The following ATP8B1 variants were observed in gnomAD, a reference collection of about 807,000 sequenced individuals.
ATP8B1 encodes the protein ATPase phospholipid transporting 8B1.
In ATP8B1, 80 loss-of-function variants were observed where a neutral mutation model predicts 149.9. That is an observed-to-expected ratio of 0.53 (90% CI 0.45 to 0.64). ATP8B1 has a LOEUF of 0.64. Among genes scored for constraint, ATP8B1 ranks in the 30% least tolerant of loss-of-function variants. The probability of loss-of-function intolerance (pLI) is 0.00; values close to 1 mark genes in which losing one functional copy is unlikely to be tolerated. For synonymous variants in ATP8B1, 536 were observed against 562.8 expected (o/e 0.95, Z 0.67); for missense variants, 1,247 against 1,552.6 (o/e 0.80, Z 3.31).
intron 1 of ATP8B1, among the ~76,000 whole-genome samples, chr18:57,775,288 C>T (rs757063810): frequency 4.0e-5 from 6 of 151,488 alleles, no homozygotes; most frequent in Non-Finnish European, 8.8e-5. Flanking sequence ...TGCAGTCCAG[C>T]CTGGGTGACA....
Position 57,713,232 on chromosome 18 carries a change from C to T in ATP8B1, c.182-6645G>A, listed in dbSNP as rs190996694. Among the ~76,000 whole-genome samples, 710 of 105,644 alleles carry T rather than the reference C, an allele frequency of 6.7e-3. 7 individuals are homozygous for T. Among genetic ancestry groups the T allele is most frequent in the African/African-American group, 0.017 (430 of 25,354 alleles). The allele number at this position is 105,644 out of a possible 152,430, so 69.3% of individuals were successfully genotyped here. A position where few individuals can be genotyped will look rare whatever the true frequency, so the allele number is the denominator to read the frequency against. On this transcript the variant is annotated intron_variant, in intron 2 of 27. Coordinates refer to ENST00000648908, the MANE Select transcript of ATP8B1 (RefSeq NM_001374385.1). ...CCTTCCTTCCTTCCTTCCTTCCTTC[C>T]TTCCTTCCTTCTTTCTTTCTTTCTT...
chr18:57,801,942 C>G (rs945232816), intron 1 of ATP8B1: 38 of 152,316 alleles, frequency 2.5e-4, no homozygotes, highest in Admixed American at 1.4e-3. Flanking sequence ...CGGGCAGAAG[C>G]GCGGCCCAAG....
chr18:57,677,637 C>T (rs770186326), intron 15 of ATP8B1, among the ~76,000 whole-genome samples: 21 of 152,134 alleles, frequency 1.4e-4, no homozygotes, highest in Non-Finnish European at 2.4e-4. Context: ...TTAAAGATGA[C>T]ACTTAGGGTC....
chr18:57,651,795 C>G (rs564252537), intron 26 of ATP8B1, among the ~76,000 whole-genome samples: 88 of 149,452 alleles, frequency 5.9e-4, no homozygotes, highest in African/African-American at 2.1e-3. Flanking sequence ...CCATGCCTGG[C>G]TAATTTTTTT....
chr18:57,756,208 TATACACACAC>T (rs2080077634), intron 1 of ATP8B1, among the ~76,000 whole-genome samples: 3 of 84,728 alleles, frequency 3.5e-5, no homozygotes, highest in African/African-American at 1.4e-4. Context: ...TATATATATA[TATACACACAC>T]ACACACACAC....
chr18:57,648,619 A>G lies in ATP8B1; in HGVS notation c.3625T>C (p.Tyr1209His). 1 of 1,608,894 alleles carries G rather than the reference A, an allele frequency of 6.2e-7. No individual in the cohort carries two copies. Among genetic ancestry groups the G allele is most frequent in the Non-Finnish European group, 8.5e-7 (1 of 1,178,716 alleles). Residue 1209 changes from tyrosine (Y) to histidine (H), a missense_variant, in exon 28 of 28, where the codon TAC becomes CAC. Transcript: ENST00000648908. ...TAGCCCCGCTGGTGCGAGAAGGCGT[A>G]GGCCGAGCGCCGCGTTGACACGCCC... is the stretch of plus-strand genomic sequence containing the variant. ...RRGVSTRRSA[Y>H]AFSHQRGYAD...
At chr18:57,726,167 G>A (rs536435436) in intron 2 of ATP8B1, among the ~76,000 whole-genome samples, 1 of 152,210 alleles carries the variant, frequency 6.6e-6, no homozygotes, top group African/African-American at 2.4e-5. Flanking sequence ...AGTTGAGGTT[G>A]CAGTGAGCCA....
intron 24 of ATP8B1, among the ~76,000 whole-genome samples, chr18:57,653,199 G>A (rs1417769378): frequency 6.6e-6 from 1 of 151,744 alleles, no homozygotes; most frequent in Non-Finnish European, 1.5e-5. Flanking sequence ...ATTTTGGAAA[G>A]GATTTAAACT....
Position 57,684,098 on chromosome 18 carries a change from T to G in ATP8B1, c.1568A>C (p.Glu523Ala), listed in dbSNP as rs775319765. The G allele has an allele frequency of 1.2e-6, 2 of 1,614,156 alleles. No homozygotes were observed. The highest frequency in any genetic ancestry group is 1.1e-5 in the South Asian group (1 of 91,074). The change falls in exon 15 of 28, where the codon GAA becomes GCA. Residue 523 changes from glutamate (E) to alanine (A), a missense_variant. By Grantham distance (107) the Glu-to-Ala change is moderately radical. Around this residue, in one of 3 missense-constraint regions of ATP8B1, gnomAD observed 853 missense variants for 1,035.7 expected, o/e 0.82. Transcript: ENST00000648908. The stretch of plus-strand genomic sequence containing the variant: ...GAGCAAGAAGAAGAACTGTCGTACT[T>G]CTGGCTCTTTCCCTGACTGGATTTG... ...IEQIQSGKEP[E>A]VRQFFFLLAV... is the part of the protein sequence containing the mutation.
intron 8 of ATP8B1, 140 bp from the exon 9 acceptor site, chr18:57,695,672 C>A: frequency 1.4e-6 from 1 of 737,730 alleles, no homozygotes; most frequent in Non-Finnish European, 2.3e-6. Context: ...CTCTGTTCAC[C>A]TTGGAACTTC....
chr18:57,782,118 T>C (rs1010374589), intron 1 of ATP8B1, among the ~76,000 whole-genome samples: 2 of 152,220 alleles, frequency 1.3e-5, no homozygotes, highest in South Asian at 2.1e-4. Flanking sequence ...GCCTCTGCCA[T>C]AGGGCAGAAA....
In ATP8B1 at chr18:57,667,152, A is replaced by G. The variant is rs371380598; in HGVS notation, c.2225T>C (p.Ile742Thr). Residue 742 changes from isoleucine (I) to threonine (T), a missense_variant, in exon 20 of 28, where the codon ATA (isoleucine) becomes ACA (threonine). Ile to Thr is a moderately conservative substitution (Grantham distance 89). Coordinates refer to ENST00000648908, the MANE Select transcript of ATP8B1 (RefSeq NM_001374385.1). Reference sequence around the variant, plus strand: ...AGTCAGAAGTTCACAAGCAAATCCTATATTTTCAGCAGTTTCTACAATAGA... The same window carrying G: ...AGTCAGAAGTTCACAAGCAAATCCTGTATTTTCAGCAGTTTCTACAATAGA... ...TGDKKETAENIGFACELLTED... is the reference protein window; with the variant it reads ...TGDKKETAENTGFACELLTED... 5 of 1,611,784 alleles carry G rather than the reference A, an allele frequency of 3.1e-6. No homozygotes were observed. The highest frequency in any genetic ancestry group is 2.2e-5 in the East Asian group (1 of 44,878).
In ATP8B1 at chr18:57,704,150, T is replaced by G. The variant is rs141296914; in HGVS notation, c.393+405A>C. 7.1e-3 allele frequency among the ~76,000 whole-genome samples: 1,077 copies of G among 152,214 alleles called. 16 individuals are homozygous for G. The highest frequency in any genetic ancestry group is 0.025 in the African/African-American group (1,036 of 41,528). On this transcript the variant is annotated intron_variant, in intron 4 of 27. Transcript: ENST00000648908. The stretch of plus-strand genomic sequence containing the variant: ...CCTGGCTAATTTTTTGTATTTTTAG[T>G]AGAAACGGGGTTTAACCATGTTAGC...
intron 15 of ATP8B1, among the ~76,000 whole-genome samples, chr18:57,677,416 G>A (rs1276184164): frequency 6.6e-6 from 1 of 152,086 alleles, no homozygotes; most frequent in Non-Finnish European, 1.5e-5. Context: ...CATTTCCGTG[G>A]CCAGATGACT....
intron 15 of ATP8B1, among the ~76,000 whole-genome samples, chr18:57,676,145 G>C (rs1165151975): frequency 6.6e-6 from 1 of 152,088 alleles, no homozygotes; most frequent in Admixed American, 6.6e-5. Flanking sequence ...CTCTAAAAAA[G>C]TATGTTTTCT....
At chr18:57,748,850 T>C (rs1260099517) in intron 1 of ATP8B1, among the ~76,000 whole-genome samples, 1 of 152,202 alleles carries the variant, frequency 6.6e-6, no homozygotes, top group Non-Finnish European at 1.5e-5. Flanking sequence ...TTAACAGTTA[T>C]TTGCAGAGAA....
At chr18:57,725,886 G>A (rs1194809860) in intron 2 of ATP8B1, among the ~76,000 whole-genome samples, 3 of 152,172 alleles carry the variant, frequency 2.0e-5, no homozygotes, top group African/African-American at 7.2e-5. Flanking sequence ...GAATCAAAAT[G>A]GATTACAGAC....
intron 1 of ATP8B1, among the ~76,000 whole-genome samples, chr18:57,771,516 TC>T (rs1382128751): frequency 6.6e-6 from 1 of 152,230 alleles, no homozygotes; most frequent in Non-Finnish European, 1.5e-5. Flanking sequence ...TGCTCAAGCT[TC>T]CAAAAATCAG....
chr18:57,763,889 A>G (rs1352323883), intron 1 of ATP8B1, among the ~76,000 whole-genome samples: 1 of 152,146 alleles, frequency 6.6e-6, no homozygotes, highest in Non-Finnish European at 1.5e-5. Context: ...TAGTTCCTGC[A>G]CGGGGCTTTC....
Sources: allele counts gnomAD v4.1 joint callset (sites outside exome capture counted in the v4.1 genomes callset), GRCh38; gene constraint gnomAD v4.1.1; regional missense constraint gnomAD v4.1.1; transcripts MANE v1.5; gene names NCBI Gene and HGNC (gene_info 2026-07-23, HGNC 2026-07-21).